The following TMEM62 variants were observed in gnomAD, a reference collection of about 807,000 sequenced individuals.
TMEM62 encodes the protein transmembrane protein 62.
A neutral mutation model predicts 70.4 loss-of-function variants in TMEM62; 41 were observed. That is an observed-to-expected ratio of 0.58 (90% confidence interval 0.45 to 0.76). The LOEUF (loss-of-function observed/expected upper bound fraction) is 0.76. Among genes scored for constraint, TMEM62 ranks in the 30% least tolerant of loss-of-function variants. The pLI, the probability that TMEM62 is intolerant of heterozygous loss-of-function variation, is 0.00. For synonymous variants in TMEM62, 268 were observed against 291.0 expected, an observed-to-expected ratio of 0.92 and a Z score of 0.80; for missense variants, 688 against 788.5, an observed-to-expected ratio of 0.87 and a Z score of 1.53.
rs1378550110 is a variant in TMEM62, at chr15:43,184,933, A to T, written c.*347A>T. ...CCAGTGTGTTTTTTAGGGTTACCCC[A>T]TGTAAAGCACTTACCGCTGTGCTTG... On this transcript the variant is annotated 3_prime_UTR_variant, in exon 14 of 14. Coordinates refer to ENST00000260403, the MANE Select transcript of TMEM62 (RefSeq NM_024956.4). 6.5e-6 allele frequency: 2 copies of T among 305,534 alleles called. No individual in the cohort carries two copies. The highest frequency in any genetic ancestry group is 4.3e-5 in the African/African-American group (2 of 46,564). The allele number at this position is 305,534 out of a possible 1,614,324, so 18.9% of individuals were successfully genotyped here. A position where few individuals can be genotyped will look rare whatever the true frequency, so the allele number is the denominator to read the frequency against.
chr15:43,134,119 G>A, intron 1 of TMEM62, 137 bp downstream of exon 1: 1 of 1,448,594 alleles, frequency 6.9e-7, no homozygotes, highest in Admixed American at 2.1e-5. Flanking sequence ...TCTAGTGCTG[G>A]CCCTGTCCTT....
intron 7 of TMEM62, 79 bp downstream of exon 7, chr15:43,149,230 T>C: frequency 3.5e-6 from 5 of 1,430,314 alleles, no homozygotes; most frequent in Non-Finnish European, 4.8e-6. Context: ...ACTGATATCA[T>C]GGGTGATCAC....
At chr15:43,165,155 T>C (rs543622293) in intron 10 of TMEM62, among the ~76,000 whole-genome samples, 56 of 152,306 alleles carry the variant, frequency 3.7e-4, no homozygotes, top group Admixed American at 2.5e-3. Flanking sequence ...CTTCCTACTC[T>C]GATCTCTCTC....
intron 13 of TMEM62, among the ~76,000 whole-genome samples, chr15:43,183,258 T>C (rs1397958253): frequency 6.6e-6 from 1 of 152,248 alleles, no homozygotes; most frequent in Admixed American, 6.5e-5. Context: ...CTAATCTAAG[T>C]TGTAATTATT....
At chr15:43,172,609 C>T (rs1596336299) in intron 11 of TMEM62, among the ~76,000 whole-genome samples, 1 of 152,246 alleles carries the variant, frequency 6.6e-6, no homozygotes, top group East Asian at 1.9e-4. Flanking sequence ...AAACATCTAG[C>T]ACAGAGAAAT....
At chr15:43,164,112 A>G (rs2039096634) in intron 10 of TMEM62, among the ~76,000 whole-genome samples, 1 of 152,228 alleles carries the variant, frequency 6.6e-6, no homozygotes, top group African/African-American at 2.4e-5. Flanking sequence ...ATTGCTTAAT[A>G]TAATTGTATA....
chr15:43,140,955 C>T (rs2035919958), intron 4 of TMEM62, among the ~76,000 whole-genome samples: 1 of 152,210 alleles, frequency 6.6e-6, no homozygotes, highest in South Asian at 2.1e-4. Context: ...ACACACGAGC[C>T]CATAGTCAGG....
At chr15:43,133,444 G>A (rs958581498), upstream of TMEM62, 13 of 218,662 alleles carry the variant, frequency 5.9e-5, no homozygotes, top group Admixed American at 1.2e-4. Context: ...GACTGACCAA[G>A]GCGGAGCCAG....
At chr15:43,154,570 C>A in intron 8 of TMEM62, 102 bp from the exon 9 acceptor site, 1 of 958,576 alleles carries the variant, frequency 1.0e-6, no homozygotes, top group East Asian at 2.7e-5. Flanking sequence ...TATGATGGTT[C>A]TGCCTATACG....
intron 11 of TMEM62, among the ~76,000 whole-genome samples, chr15:43,172,649 A>C (rs2040316015): frequency 6.6e-6 from 1 of 152,178 alleles, no homozygotes; most frequent in African/African-American, 2.4e-5. Flanking sequence ...AAACCCAGGC[A>C]AAAAATGTAT....
intron 10 of TMEM62, among the ~76,000 whole-genome samples, chr15:43,163,917 G>C (rs1021480838): frequency 2.6e-5 from 4 of 152,194 alleles, no homozygotes; most frequent in Non-Finnish European, 5.9e-5. Flanking sequence ...CAAGCACCTA[G>C]GTCATATGTC....
At chr15:43,182,275 A>G (rs752565295) in intron 13 of TMEM62, among the ~76,000 whole-genome samples, 1 of 152,226 alleles carries the variant, frequency 6.6e-6, no homozygotes, top group Non-Finnish European at 1.5e-5. Context: ...AACATTCAAA[A>G]TAAGTTCATG....
chr15:43,162,433 C>CTTTTTTTTTTTTTTTTTTTTTTTTTTT (rs1169921008), intron 10 of TMEM62, among the ~76,000 whole-genome samples: 10 of 137,032 alleles, frequency 7.3e-5, no homozygotes, highest in African/African-American at 2.8e-4. Context: ...GCCCCTGGCC[C>CTTTTTTTTTTTTTTTTTTTTTTTTTTT]TTTTTTTTTT....
chr15:43,184,618 A>G lies in TMEM62; in HGVS notation c.*32A>G. 6.3e-7 allele frequency: 1 copy of G among 1,581,508 alleles called. No individual in the cohort carries two copies. Among genetic ancestry groups the G allele is most frequent in the Non-Finnish European group, 8.6e-7 (1 of 1,161,912 alleles). ...TGTCTCACCACTGGCAGCTGGGCAG[A>G]AGCCCAGCCTCTGTGTCTGTAGCCC... On this transcript the variant is annotated 3_prime_UTR_variant, in exon 14 of 14. Coordinates refer to ENST00000260403, the MANE Select transcript of TMEM62 (RefSeq NM_024956.4).
At chr15:43,153,123 GA>G (rs1418764480) in intron 8 of TMEM62, among the ~76,000 whole-genome samples, 6 of 152,074 alleles carry the variant, frequency 3.9e-5, no homozygotes, top group Non-Finnish European at 7.4e-5. Flanking sequence ...TCCTTCACTT[GA>G]ATAATTTCTT....
intron 12 of TMEM62, among the ~76,000 whole-genome samples, chr15:43,179,457 C>T (rs746926686): frequency 4.6e-5 from 7 of 152,118 alleles, no homozygotes; most frequent in Non-Finnish European, 7.4e-5. Context: ...ACCACATATA[C>T]AGTGGTGGTC....
intron 11 of TMEM62, among the ~76,000 whole-genome samples, chr15:43,177,704 T>C (rs1356064798): frequency 1.3e-5 from 2 of 152,084 alleles, no homozygotes; most frequent in Non-Finnish European, 1.5e-5. Context: ...TGTAGGGACA[T>C]GGATGAAATT....
chr15:43,136,729 T>C (rs995816113), intron 3 of TMEM62, among the ~76,000 whole-genome samples: 1 of 152,166 alleles, frequency 6.6e-6, no homozygotes, highest in Admixed American at 6.5e-5. Flanking sequence ...AGTGGTGGGA[T>C]TACAGGCGTG....
At chr15:43,182,673 C>T (rs1306644697) in intron 13 of TMEM62, among the ~76,000 whole-genome samples, 3 of 152,026 alleles carry the variant, frequency 2.0e-5, no homozygotes, top group African/African-American at 4.8e-5. Flanking sequence ...AGGATGGTCT[C>T]GAACTCCTGA....
Sources: allele counts gnomAD v4.1 joint callset (sites outside exome capture counted in the v4.1 genomes callset), GRCh38; gene constraint gnomAD v4.1.1; transcripts MANE v1.5; gene names NCBI Gene and HGNC (gene_info 2026-07-23, HGNC 2026-07-21).